Variants in BABAM2 observed in about 807,000 individuals in gnomAD.
The protein encoded by BABAM2 is BRISC and BRCA1 A complex member 2, also known as BRISC and BRCA1-A complex member 2.
Under a neutral mutation model 54.7 loss-of-function variants are expected in BABAM2, and 31 were observed. That is an observed-to-expected ratio of 0.57 (90% CI 0.43 to 0.77). The LOEUF (loss-of-function observed/expected upper bound fraction) is 0.77, where lower values mean the gene tolerates loss of function less well. Ranked by LOEUF, BABAM2 falls within the 30% of genes least tolerant of loss-of-function variation. The pLI, the probability that BABAM2 is intolerant of heterozygous loss-of-function variation, is 0.00. For synonymous variants in BABAM2, 167 were observed against 162.9 expected (o/e 1.03, Z -0.19); for missense variants, 364 against 455.8 (o/e 0.80, Z 1.83).
intron 5 of BABAM2, among the ~76,000 whole-genome samples, chr2:28,036,825 A>C (rs1297543744): frequency 1.3e-5 from 2 of 152,200 alleles, no homozygotes; most frequent in Non-Finnish European, 2.9e-5. Flanking sequence ...TTACTTCCAA[A>C]GCGTCCTGTG....
At chr2:28,328,369 A>G (rs552756819) in intron 11 of BABAM2, among the ~76,000 whole-genome samples, 1 of 152,306 alleles carries the variant, frequency 6.6e-6, no homozygotes, top group African/African-American at 2.4e-5. Context: ...AAAACTGGAA[A>G]AAGCAGTGAG....
intron 3 of BABAM2, among the ~76,000 whole-genome samples, chr2:27,947,522 A>G (rs1669387697): frequency 6.6e-6 from 1 of 152,108 alleles, no homozygotes; most frequent in South Asian, 2.1e-4. Context: ...CTTTAGCAAA[A>G]TGTTCAAACC....
chr2:27,987,052 C>T (rs1043291172), intron 3 of BABAM2, among the ~76,000 whole-genome samples: 5 of 152,158 alleles, frequency 3.3e-5, no homozygotes, highest in African/African-American at 4.8e-5. Flanking sequence ...CTTCCATTAT[C>T]ACATGTTGAG....
intron 3 of BABAM2, among the ~76,000 whole-genome samples, chr2:27,941,487 C>T (rs1324566874): frequency 2.0e-5 from 3 of 150,674 alleles, no homozygotes; most frequent in South Asian, 2.1e-4. Flanking sequence ...ACCTGGGAGG[C>T]GGAGGTTGCA....
intron 7 of BABAM2, among the ~76,000 whole-genome samples, chr2:28,227,085 TA>T: frequency 6.6e-6 from 1 of 152,186 alleles, no homozygotes; most frequent in Middle Eastern, 3.4e-3. Flanking sequence ...TTTGTTAGTT[TA>T]AAGGAGAAAT....
At chr2:28,029,012 C>T (rs1239028018) in intron 5 of BABAM2, among the ~76,000 whole-genome samples, 1 of 152,150 alleles carries the variant, frequency 6.6e-6, no homozygotes, top group East Asian at 1.9e-4. Flanking sequence ...GGTGATCTAC[C>T]CGCCTTGGCC....
intron 10 of BABAM2, among the ~76,000 whole-genome samples, chr2:28,295,871 G>A (rs1375683592): frequency 6.6e-6 from 1 of 152,120 alleles, no homozygotes; most frequent in African/African-American, 2.4e-5. Flanking sequence ...ACTTTGGGAG[G>A]CCAAGGTGGG....
chr2:27,940,324 G>T (rs940518794), intron 3 of BABAM2, among the ~76,000 whole-genome samples: 1 of 152,192 alleles, frequency 6.6e-6, no homozygotes, highest in African/African-American at 2.4e-5. Context: ...AACTCTAGAA[G>T]AAATTATTCC....
intron 6 of BABAM2, among the ~76,000 whole-genome samples, chr2:28,093,377 G>A (rs1666326604): frequency 6.6e-6 from 1 of 152,102 alleles, no homozygotes; most frequent in Non-Finnish European, 1.5e-5. Flanking sequence ...AGGAAAGTGG[G>A]ATCTGAACTT....
At chr2:28,280,736 G>A (rs1293153381) in intron 10 of BABAM2, among the ~76,000 whole-genome samples, 2 of 152,206 alleles carry the variant, frequency 1.3e-5, no homozygotes, top group African/African-American at 4.8e-5. Flanking sequence ...AGGTCAAGCG[G>A]TGACTTAGCA....
chr2:28,141,620 G>A (rs1424728488), intron 7 of BABAM2, among the ~76,000 whole-genome samples: 1 of 152,076 alleles, frequency 6.6e-6, no homozygotes, highest in Non-Finnish European at 1.5e-5. Context: ...GAAGGAGCAA[G>A]GCTCTAGGGT....
At chr2:28,248,181 T>C (rs913947513) in intron 10 of BABAM2, among the ~76,000 whole-genome samples, 12 of 151,568 alleles carry the variant, frequency 7.9e-5, no homozygotes, top group African/African-American at 2.9e-4. Context: ...ACCTTTAAGC[T>C]AGTAGCTTTT....
intron 11 of BABAM2, chr2:28,327,530 AGTT>A (rs1690579807): frequency 7.7e-6 from 11 of 1,436,096 alleles, no homozygotes; most frequent in East Asian, 2.4e-5. Context: ...GATCTCAGTC[AGTT>A]GTTGTTGAAG....
In BABAM2 at chr2:28,284,244, C is replaced by G. The variant is rs150390763; in HGVS notation, c.935-14094C>G. On this transcript the variant is annotated intron_variant, in intron 10 of 11. Transcript: ENST00000379624. The stretch of plus-strand genomic sequence containing the variant: ...AAGAGGAACATTAATTTCCATTCCC[C>G]TGCTGCCTGTCCCACCCATGCTCAT... 7.9e-5 allele frequency among the ~76,000 whole-genome samples: 12 copies of G among 152,206 alleles called. No individual in the cohort carries two copies. In the East Asian group the frequency reaches 2.3e-3, roughly 29 times the overall value.
intron 3 of BABAM2, among the ~76,000 whole-genome samples, chr2:27,986,265 G>T (rs1383552689): frequency 6.6e-6 from 1 of 152,116 alleles, no homozygotes; most frequent in African/African-American, 2.4e-5. Flanking sequence ...ATGTATTATG[G>T]ACTGGAGGGC....
At chr2:28,184,070 G>T (rs1228779059) in intron 7 of BABAM2, among the ~76,000 whole-genome samples, 3 of 152,110 alleles carry the variant, frequency 2.0e-5, no homozygotes, top group Non-Finnish European at 4.4e-5. Context: ...TGCTCACATG[G>T]ATCAGTAACA....
chr2:28,168,487 C>T (rs1673958783), intron 7 of BABAM2, among the ~76,000 whole-genome samples: 1 of 152,150 alleles, frequency 6.6e-6, no homozygotes, highest in African/African-American at 2.4e-5. Flanking sequence ...GCTGTGATCA[C>T]TCCTAGTGGC....
chr2:28,165,424 G>C (rs1481753842), intron 7 of BABAM2, among the ~76,000 whole-genome samples: 5 of 150,714 alleles, frequency 3.3e-5, no homozygotes, highest in African/African-American at 1.2e-4. Context: ...AAGTTGGGTA[G>C]CCAAGTTGTT....
chr2:27,962,646 G>T (rs1670553358), intron 3 of BABAM2, among the ~76,000 whole-genome samples: 1 of 152,048 alleles, frequency 6.6e-6, no homozygotes, highest in African/African-American at 2.4e-5. Flanking sequence ...AATTTGATAT[G>T]GTCAAAAGCA....
Sources: allele counts gnomAD v4.1 joint callset (sites outside exome capture counted in the v4.1 genomes callset), GRCh38; gene constraint gnomAD v4.1.1; transcripts MANE v1.5; gene names NCBI Gene and HGNC (gene_info 2026-07-23, HGNC 2026-07-21).